Variants in C16orf89 observed in about 807,000 individuals in gnomAD.
C16orf89 encodes UPF0764 protein C16orf89.
A neutral mutation model predicts 41.5 loss-of-function variants in C16orf89; 57 were observed. The observed-to-expected ratio is 1.38, with a 90% CI of 1.11 to 1.71. C16orf89 has a LOEUF of 1.71. C16orf89 is among the 40% of genes most tolerant of loss of function. The pLI is 0.00. For synonymous variants in C16orf89, 223 were observed against 190.6 expected (o/e 1.17, Z -1.40); for missense variants, 575 against 445.9 (o/e 1.29, Z -2.61).
At chr16:5,060,558 A>C in intron 2 of C16orf89, 122 bp from the exon 3 acceptor site, 1 of 1,026,460 alleles carries the variant, frequency 9.7e-7, no homozygotes, top group Non-Finnish European at 1.4e-6. Context: ...CAGGGCTCTA[A>C]GCCCTGTCCC....
At chr16:5,050,460 C>T (rs1407334025) in intron 6 of C16orf89, among the ~76,000 whole-genome samples, 2 of 151,928 alleles carry the variant, frequency 1.3e-5, no homozygotes, top group Non-Finnish European at 2.9e-5. Context: ...AAAACCTGAA[C>T]AGACCAATTA....
At chr16:5,061,425 T>A (rs544528484) in intron 2 of C16orf89, among the ~76,000 whole-genome samples, 161 of 83,476 alleles carry the variant, frequency 1.9e-3, no homozygotes, top group Non-Finnish European at 2.5e-3. Context: ...AGGGTGAGAC[T>A]CTGTCTCAAA....
chr16:5,048,095 A>G (rs1223545737), intron 6 of C16orf89, 131 bp from the exon 7 acceptor site: 6 of 612,054 alleles, frequency 9.8e-6, no homozygotes, highest in Admixed American at 2.8e-5. Flanking sequence ...TAACGCAATC[A>G]TAGCTCACCA....
At position 5,058,607 on chromosome 16, in the gene C16orf89, C is replaced by T. The variant is rs148248988; in HGVS notation, c.513G>A (p.Thr171=). The T allele has an allele frequency of 1.9e-5, 30 of 1,609,020 alleles. 1 individual carries two copies. The highest frequency in any genetic ancestry group is 6.8e-5 in the East Asian group (3 of 44,400). ...AGAGGCCGCAGGGCTCGCTGCTGTCCGTCCTGGGGGAAAGTGGTTCCAAGC... is the reference window on the plus strand; with the variant it reads ...AGAGGCCGCAGGGCTCGCTGCTGTCTGTCCTGGGGGAAAGTGGTTCCAAGC... ...VCLVQLLGTG[T]DSSEPCGLSD... The change falls in exon 4 of 8, where the codon ACG becomes ACA. Residue 171 remains threonine (T), a synonymous_variant. Transcript: ENST00000472572.
At chr16:5,048,512 C>A (rs1956342570) in intron 6 of C16orf89, among the ~76,000 whole-genome samples, 1 of 152,150 alleles carries the variant, frequency 6.6e-6, no homozygotes, top group African/African-American at 2.4e-5. Flanking sequence ...CTGTGGCTCC[C>A]CAAACACCCA....
At chr16:5,055,749 A>G (rs1207293622) in intron 5 of C16orf89, 1 of 1,533,768 alleles carries the variant, frequency 6.5e-7, no homozygotes, top group Admixed American at 2.0e-5. Context: ...ACTGTCACAC[A>G]GTGGCAGGTA....
chr16:5,059,524 A>C (rs1006931491), intron 3 of C16orf89, among the ~76,000 whole-genome samples: 2 of 152,146 alleles, frequency 1.3e-5, no homozygotes, highest in Non-Finnish European at 2.9e-5. Context: ...GCTGGGGCCC[A>C]GCCCCTCCGT....
At chr16:5,044,922 G>A in intron 7 of C16orf89, 1 of 1,228,554 alleles carries the variant, frequency 8.1e-7, no homozygotes. Flanking sequence ...TGCTCCCTTA[G>A]GCCCCTTTTG....
chr16:5,062,419 G>A lies in C16orf89; in HGVS notation c.358+6C>T. On this transcript the variant is annotated splice_donor_region_variant and intron_variant, in intron 2 of 7. Coordinates refer to ENST00000472572, the MANE Select transcript of C16orf89 (RefSeq NM_001098514.3). ...TGAGGGAATGGGACACCCTGCGTGT[G>A]CTCACCTCTTAGGTACTTGGGATCA... 6.2e-7 allele frequency: 1 copy of A among 1,608,580 alleles called. No homozygotes were observed. The highest frequency in any genetic ancestry group is 8.5e-7 in the Non-Finnish European group (1 of 1,177,712).
intron 6 of C16orf89, among the ~76,000 whole-genome samples, chr16:5,050,521 C>G (rs560020825): frequency 6.6e-6 from 1 of 152,148 alleles, no homozygotes; most frequent in Admixed American, 6.6e-5. Context: ...AACAAAAAGC[C>G]CAGGACCTGA....
At position 5,047,971 on chromosome 16, in the gene C16orf89, G is replaced by A; in HGVS notation, c.869-7C>T. The A allele has an allele frequency of 6.7e-7, 1 of 1,499,946 alleles. No individual in the cohort carries two copies. Among genetic ancestry groups the A allele is most frequent in the Non-Finnish European group, 9.3e-7 (1 of 1,078,948 alleles). The allele number at this position is 1,499,946 out of a possible 1,614,324, so 92.9% of individuals were successfully genotyped here. A position where few individuals can be genotyped will look rare whatever the true frequency, so the allele number is the denominator to read the frequency against. On this transcript the variant is annotated splice_region_variant and splice_polypyrimidine_tract_variant and intron_variant, in intron 6 of 7. Transcript: ENST00000472572. ...AATTCTTCATCTTCAGCATCTGGGA[G>A]AAGAGCAAAAGTTGAACTTCTCAAG...
chr16:5,055,837 A>G, intron 5 of C16orf89: 1 of 1,343,598 alleles, frequency 7.4e-7, no homozygotes, highest in Non-Finnish European at 1.0e-6. Flanking sequence ...TATCCCATGA[A>G]ATAGTTGGGA....
At chr16:5,062,189 G>A (rs530483149) in intron 2 of C16orf89, among the ~76,000 whole-genome samples, 1 of 152,180 alleles carries the variant, frequency 6.6e-6, no homozygotes, top group Non-Finnish European at 1.5e-5. Context: ...CTTGAGAGAA[G>A]ACACCCTGCT....
chr16:5,049,884 C>T (rs952142096), intron 6 of C16orf89, among the ~76,000 whole-genome samples: 1 of 151,318 alleles, frequency 6.6e-6, no homozygotes, highest in Non-Finnish European at 1.5e-5. Flanking sequence ...ACTAAAGAAA[C>T]AATAGGAAAG....
At chr16:5,064,637 T>G (rs1956698351) in intron 1 of C16orf89, among the ~76,000 whole-genome samples, 1 of 152,212 alleles carries the variant, frequency 6.6e-6, no homozygotes, top group Non-Finnish European at 1.5e-5. Flanking sequence ...TTTGCTCCCT[T>G]CTGGGCACAG....
rs192633320 is a variant in C16orf89 at position 5,048,919 on chromosome 16, A to G, written c.869-955T>C. Among the ~76,000 whole-genome samples, 8 of 151,946 alleles carry G rather than the reference A, an allele frequency of 5.3e-5. No homozygotes were observed. The East Asian group carries it at 1.2e-3, about 22-fold the overall frequency. On this transcript the variant is annotated intron_variant, in intron 6 of 7. Transcript: ENST00000472572. ...TCAGTCCCCCACTTAAAAGATATATAGAGTGGCTGAATGAATGAAAAAAAA... is the reference window on the plus strand; with the variant it reads ...TCAGTCCCCCACTTAAAAGATATATGGAGTGGCTGAATGAATGAAAAAAAA...
chr16:5,060,954 T>TTTC (rs1956606680), intron 2 of C16orf89, among the ~76,000 whole-genome samples: 1 of 148,530 alleles, frequency 6.7e-6, no homozygotes, highest in South Asian at 2.2e-4. Flanking sequence ...CCTTTTTTTT[T>TTTC]TTTTTTTTTT....
chr16:5,053,425 G>C (rs117671643), intron 6 of C16orf89, among the ~76,000 whole-genome samples: 1,716 of 152,190 alleles, frequency 0.011, 20 homozygotes, highest in Non-Finnish European at 0.019. Flanking sequence ...GGAGGGGGAT[G>C]GGGGAGAGGA....
Position 5,044,409 on chromosome 16 carries a change from T to C in C16orf89, c.1025A>G (p.Glu342Gly). 1 of 1,612,750 alleles carries C rather than the reference T, an allele frequency of 6.2e-7. No homozygotes were observed. Among genetic ancestry groups the C allele is most frequent in the South Asian group, 1.1e-5 (1 of 90,974 alleles). ...TGGCTCTCTGTTTGCTGGGGGGTAT[T>C]CTGCCAGGATGTATAGGAAGCCACC... ...ALGGFLYILA[E>G]YPPANREPHP... The change falls in exon 8 of 8, where the codon GAA becomes GGA. Residue 342 changes from glutamate to glycine, a missense_variant. By Grantham distance (98) the Glu-to-Gly change is moderately conservative (BLOSUM62 -2). Transcript: ENST00000472572.
Sources: allele counts gnomAD v4.1 joint callset (sites outside exome capture counted in the v4.1 genomes callset), GRCh38; gene constraint gnomAD v4.1.1; transcripts MANE v1.5; gene names NCBI Gene and HGNC (gene_info 2026-07-23, HGNC 2026-07-21).